LPCAT2: variants seen among roughly 807,000 people sequenced by gnomAD.
The protein encoded by LPCAT2 is lysophosphatidylcholine acyltransferase 2.
In LPCAT2, 58 loss-of-function variants were observed where a neutral mutation model predicts 64.7. That is an observed-to-expected ratio of 0.90 (90% confidence interval 0.73 to 1.12). The LOEUF is 1.12. Ranked by LOEUF, LPCAT2 falls within the 50% of genes most tolerant of loss-of-function variation. The pLI is 0.00. For missense variants in LPCAT2, 579 were observed against 669.8 expected, an observed-to-expected ratio of 0.86 and a Z score of 1.50; for synonymous variants, 252 against 245.3, an observed-to-expected ratio of 1.03 and a Z score of -0.26.
intron 11 of LPCAT2, among the ~76,000 whole-genome samples, chr16:55,559,760 T>G (rs2142406567): frequency 7.0e-6 from 1 of 142,604 alleles, no homozygotes; most frequent in Non-Finnish European, 1.5e-5. Flanking sequence ...ACTTATATGA[T>G]ACAATTTGAA....
intron 11 of LPCAT2, among the ~76,000 whole-genome samples, chr16:55,569,411 G>A (rs1319766367): frequency 1.3e-5 from 2 of 152,164 alleles, no homozygotes; most frequent in African/African-American, 4.8e-5. Flanking sequence ...AATAAGTCCA[G>A]GAATATGTTA....
intron 11 of LPCAT2, among the ~76,000 whole-genome samples, chr16:55,573,652 C>G (rs1434417210): frequency 1.3e-5 from 2 of 152,088 alleles, no homozygotes; most frequent in Non-Finnish European, 2.9e-5. Context: ...ATTCTAACAC[C>G]TGGTATTATA....
At chr16:55,533,016 C>T (rs1485590181) in intron 6 of LPCAT2, 134 bp downstream of exon 6, 5 of 610,290 alleles carry the variant, frequency 8.2e-6, no homozygotes, top group South Asian at 5.2e-5. Context: ...TCATTCTGCT[C>T]GCCACATCTA....
At chr16:55,527,352 C>T (rs762032993) in intron 2 of LPCAT2, among the ~76,000 whole-genome samples, 5 of 151,590 alleles carry the variant, frequency 3.3e-5, no homozygotes, top group Non-Finnish European at 5.9e-5. Context: ...TGGTGGTGGG[C>T]GCCTGTAATC....
chr16:55,516,980 A>G (rs1963021679), intron 1 of LPCAT2, among the ~76,000 whole-genome samples: 1 of 152,192 alleles, frequency 6.6e-6, no homozygotes. Context: ...TAACAGAAAA[A>G]ATTTGAGAAA....
chr16:55,512,561 G>A (rs573750620), intron 1 of LPCAT2, among the ~76,000 whole-genome samples: 6 of 152,214 alleles, frequency 3.9e-5, no homozygotes, highest in African/African-American at 1.4e-4. Flanking sequence ...ACTAAAAATC[G>A]AAGGTGGAAG....
chr16:55,566,691 C>T (rs753645944), intron 11 of LPCAT2: 12 of 1,516,934 alleles, frequency 7.9e-6, no homozygotes, highest in South Asian at 5.3e-5. Context: ...ACTACTTGAA[C>T]TCCATTTCAT....
Position 55,509,132 on chromosome 16 carries a change from T to A in LPCAT2, c.-50T>A. The A allele has an allele frequency of 7.7e-7, 1 of 1,298,158 alleles. No individual in the cohort carries two copies. Among genetic ancestry groups the A allele is most frequent in the Non-Finnish European group, 9.8e-7 (1 of 1,018,404 alleles). The allele number at this position is 1,298,158 out of a possible 1,614,324, so 80.4% of individuals were successfully genotyped here. ...AGTAGGTCTTCGGCTCAGTTTTGGC[T>A]GCAGCGCCCGCGTAGATCGCTTCGG... is the stretch of plus-strand genomic sequence containing the variant. On this transcript the variant is annotated 5_prime_UTR_variant, in exon 1 of 14. Transcript: ENST00000262134.
chr16:55,571,007 A>G (rs1963763926), intron 11 of LPCAT2, among the ~76,000 whole-genome samples: 1 of 152,192 alleles, frequency 6.6e-6, no homozygotes, highest in South Asian at 2.1e-4. Context: ...TATTTTGACA[A>G]CACTGATTAT....
At chr16:55,560,326 C>T (rs924911353) in intron 11 of LPCAT2, among the ~76,000 whole-genome samples, 6 of 151,998 alleles carry the variant, frequency 3.9e-5, no homozygotes, top group Non-Finnish European at 8.8e-5. Flanking sequence ...TAGATGAAGG[C>T]CCCACTTGAC....
chr16:55,522,823 T>A (rs1963116326), intron 1 of LPCAT2, among the ~76,000 whole-genome samples: 2 of 151,586 alleles, frequency 1.3e-5, no homozygotes, highest in African/African-American at 4.8e-5. Context: ...AGATTGATCA[T>A]AGATTGAAAT....
At chr16:55,564,482 T>C (rs1376706183) in intron 11 of LPCAT2, among the ~76,000 whole-genome samples, 3 of 151,938 alleles carry the variant, frequency 2.0e-5, no homozygotes, top group Non-Finnish European at 4.4e-5. Flanking sequence ...AGTGCAGCAC[T>C]GGTTTCAAGA....
intron 11 of LPCAT2, chr16:55,566,740 CT>C: frequency 6.3e-7 from 1 of 1,589,222 alleles, no homozygotes; most frequent in Non-Finnish European, 8.6e-7. Context: ...GCCGCATTTG[CT>C]TGTTAAACTG....
chr16:55,510,673 A>G (rs1167083067), intron 1 of LPCAT2, among the ~76,000 whole-genome samples: 1 of 152,082 alleles, frequency 6.6e-6, no homozygotes, highest in African/African-American at 2.4e-5. Context: ...GAAGATAAAG[A>G]ATGTAGTAAT....
In LPCAT2 at chr16:55,582,899, TTC is replaced by T; in HGVS notation, c.1451-13_1451-12del. The stretch of plus-strand genomic sequence containing the variant: ...TTCACCCCAACTTATTGGATTTTTT[TTC>T]TTTCTCTTCTAGAGGAATTTAAAAG... On this transcript the variant is annotated splice_polypyrimidine_tract_variant and intron_variant, in intron 13 of 13. Coordinates refer to ENST00000262134, the MANE Select transcript of LPCAT2 (RefSeq NM_017839.5). 6.4e-7 allele frequency: 1 copy of T among 1,561,254 alleles called. No homozygotes were observed. Among genetic ancestry groups the T allele is most frequent in the Non-Finnish European group, 8.8e-7 (1 of 1,141,818 alleles).
Position 55,549,335 on chromosome 16 carries a change from G to A in LPCAT2, c.994G>A (p.Ala332Thr). 6.2e-7 allele frequency: 1 copy of A among 1,605,126 alleles called. No homozygotes were observed. Among genetic ancestry groups the A allele is most frequent in the Non-Finnish European group, 8.5e-7 (1 of 1,176,500 alleles). ...TYEDCRLMIS[A>T]GQLTLPMEAG... ...TGAAGACTGCAGATTGATGATTTCA[G>A]CAGGACAGCTAACATTGCCTATGGA... The change falls in exon 10 of 14, where the codon GCA (alanine) becomes ACA (threonine). Residue 332 changes from alanine to threonine, a missense_variant. Ala to Thr is a moderately conservative substitution (Grantham distance 58). Transcript: ENST00000262134.
At chr16:55,582,892 AT>A (rs532602764) in intron 13 of LPCAT2, 21 bp from the exon 14 acceptor site, 15 of 1,529,410 alleles carry the variant, frequency 9.8e-6, no homozygotes, top group South Asian at 2.4e-5. Context: ...AACTTATTGG[AT>A]TTTTTTTCTT....
rs577693505 is a variant in LPCAT2, at chr16:55,585,646, A to G, written c.*2548A>G. The stretch of plus-strand genomic sequence containing the variant: ...GAAAGAGTTCTGTTGAAGGATAATG[A>G]CATACTGACTGCTTACAGACCAAGT... On this transcript the variant is annotated 3_prime_UTR_variant, in exon 14 of 14. Coordinates refer to ENST00000262134, the MANE Select transcript of LPCAT2 (RefSeq NM_017839.5). 6.6e-5 allele frequency: 10 copies of G among 152,248 alleles called. No homozygotes were observed. The highest frequency in any genetic ancestry group is 4.1e-4 in the South Asian group (2 of 4,836). 9.4% of individuals were successfully genotyped at this position (152,248 alleles called of 1,614,324 possible). A position where few individuals can be genotyped will look rare whatever the true frequency, so the allele number is the denominator to read the frequency against.
At chr16:55,540,348 A>T (rs536284898) in intron 8 of LPCAT2, 1 of 152,318 alleles carries the variant, frequency 6.6e-6, no homozygotes, top group African/African-American at 2.4e-5. Flanking sequence ...CTAATGTGGC[A>T]TAATGGGTGT....
Sources: allele counts gnomAD v4.1 joint callset (sites outside exome capture counted in the v4.1 genomes callset), GRCh38; gene constraint gnomAD v4.1.1; transcripts MANE v1.5; gene names NCBI Gene and HGNC (gene_info 2026-07-23, HGNC 2026-07-21).